Variants in DPYD observed in about 807,000 individuals in gnomAD.
DPYD encodes the protein dihydropyrimidine dehydrogenase.
A neutral mutation model predicts 116.2 loss-of-function variants in DPYD; 109 were observed. That is an observed-to-expected ratio of 0.94 (90% CI 0.80 to 1.10). DPYD has a LOEUF of 1.10. DPYD is among the 50% of genes least tolerant of loss of function. The pLI, the probability that DPYD is intolerant of heterozygous loss-of-function variation, is 0.00. For synonymous variants in DPYD, 440 were observed against 432.0 expected (o/e 1.02, Z -0.23); for missense variants, 1,302 against 1,254.5 (o/e 1.04, Z -0.57).
intron 3 of DPYD, among the ~76,000 whole-genome samples, chr1:97,774,022 T>C (rs536851715): frequency 6.6e-6 from 1 of 152,296 alleles, no homozygotes; most frequent in East Asian, 1.9e-4. Context: ...ACACGTTCAC[T>C]GGAGCTTTGG....
At chr1:97,356,741 T>G (rs1048068183) in intron 16 of DPYD, among the ~76,000 whole-genome samples, 1 of 152,220 alleles carries the variant, frequency 6.6e-6, no homozygotes, top group South Asian at 2.1e-4. Flanking sequence ...TGCACATGGA[T>G]ATACATTTTT....
intron 4 of DPYD, among the ~76,000 whole-genome samples, chr1:97,740,071 A>C (rs1338008366): frequency 1.3e-5 from 2 of 152,146 alleles, no homozygotes; most frequent in Non-Finnish European, 2.9e-5. Context: ...ATGTGTTTTG[A>C]TGATCAATGA....
At chr1:97,688,302 A>G (rs1660840844) in intron 7 of DPYD, among the ~76,000 whole-genome samples, 1 of 152,166 alleles carries the variant, frequency 6.6e-6, no homozygotes. Context: ...AAATTTAGAG[A>G]TGCAAGAGCA....
intron 13 of DPYD, among the ~76,000 whole-genome samples, chr1:97,454,787 C>T (rs1232058344): frequency 1.3e-5 from 2 of 151,778 alleles, no homozygotes; most frequent in African/African-American, 2.4e-5. Context: ...ATGGTTACTA[C>T]TGAATTAAAA....
In DPYD at chr1:97,889,788, G is replaced by C. The variant is rs183819513; in HGVS notation, c.40-6414C>G. Among the ~76,000 whole-genome samples the C allele has an allele frequency of 1.2e-3, 183 of 151,984 alleles. 1 individual carries two copies. The highest frequency in any genetic ancestry group is 2.1e-3 in the Non-Finnish European group (143 of 67,892). Reference sequence around the variant, plus strand: ...CAGACATCCATATAACACTCTAAAAGAGCAAAATACACATTCTTCTCAACT... The same window carrying C: ...CAGACATCCATATAACACTCTAAAACAGCAAAATACACATTCTTCTCAACT... On this transcript the variant is annotated intron_variant, in intron 1 of 22. Coordinates refer to ENST00000370192, the MANE Select transcript of DPYD (RefSeq NM_000110.4).
chr1:97,310,829 C>T (rs539919534), intron 16 of DPYD, among the ~76,000 whole-genome samples: 2 of 151,680 alleles, frequency 1.3e-5, no homozygotes, highest in African/African-American at 2.4e-5. Context: ...TCAAAATAGG[C>T]CCAAATTTGA....
intron 3 of DPYD, among the ~76,000 whole-genome samples, chr1:97,811,000 C>T (rs76770633): frequency 8.7e-4 from 132 of 152,216 alleles, no homozygotes; most frequent in African/African-American, 3.1e-3. Flanking sequence ...TCATCTACCC[C>T]ATGCCCACAA....
chr1:97,823,993 TATA>T (rs1325481609), intron 3 of DPYD, among the ~76,000 whole-genome samples: 2 of 151,696 alleles, frequency 1.3e-5, no homozygotes, highest in East Asian at 1.9e-4. Flanking sequence ...TACTTCATCA[TATA>T]ATAACTTCAT....
intron 8 of DPYD, among the ~76,000 whole-genome samples, chr1:97,624,044 A>G (rs141323841): frequency 2.9e-4 from 44 of 152,180 alleles, no homozygotes; most frequent in Admixed American, 3.9e-4. Flanking sequence ...GATAGGAGAA[A>G]AGCTACATGA....
At position 97,679,097 on chromosome 1, in the gene DPYD, AT is replaced by A; in HGVS notation, c.847del (p.Ile283Ter). The A allele has an allele frequency of 6.6e-7, 1 of 1,518,904 alleles. No homozygotes were observed. Among genetic ancestry groups the A allele is most frequent in the Non-Finnish European group, 9.0e-7 (1 of 1,107,702 alleles). The allele number at this position is 1,518,904 out of a possible 1,614,324, so 94.1% of individuals were successfully genotyped here. A position where few individuals can be genotyped will look rare whatever the true frequency, so the allele number is the denominator to read the frequency against. ...EKGYKAAFIG[I>X]GLPEPNKDAI... ...ATATTTAAGAGTAAACTACTCACCT[AT>A]TCCAATGAAAGCAGCTTTGTAGCCT... On this transcript the variant is annotated frameshift_variant, in exon 8 of 23. Coordinates refer to ENST00000370192, the MANE Select transcript of DPYD (RefSeq NM_000110.4). LOFTEE classifies it high-confidence loss of function.
chr1:97,331,387 A>G (rs918460320), intron 16 of DPYD, among the ~76,000 whole-genome samples: 1 of 152,140 alleles, frequency 6.6e-6, no homozygotes, highest in African/African-American at 2.4e-5. Flanking sequence ...ATGCGGCAGG[A>G]GGCTCGCTTG....
intron 3 of DPYD, among the ~76,000 whole-genome samples, chr1:97,785,634 T>C (rs1666973949): frequency 6.6e-6 from 1 of 151,176 alleles, no homozygotes; most frequent in African/African-American, 2.4e-5. Flanking sequence ...TAGATCTTTA[T>C]GCTGGCCACA....
intron 3 of DPYD, among the ~76,000 whole-genome samples, chr1:97,777,478 GGACC>G (rs1666474344): frequency 6.6e-6 from 1 of 152,116 alleles, no homozygotes. Context: ...GTGCCAGAAG[GGACC>G]TTACAGATGA....
intron 18 of DPYD, among the ~76,000 whole-genome samples, chr1:97,276,499 T>C (rs191546322): frequency 3.9e-5 from 6 of 152,020 alleles, no homozygotes; most frequent in Middle Eastern, 3.4e-3. Context: ...GCAAAAGACA[T>C]GAACAGGCAC....
intron 21 of DPYD, among the ~76,000 whole-genome samples, chr1:97,084,989 G>A (rs570685299): frequency 6.6e-6 from 1 of 152,170 alleles, no homozygotes; most frequent in Non-Finnish European, 1.5e-5. Flanking sequence ...GTGGGATGAA[G>A]TAATAGCTAT....
chr1:97,266,537 A>T (rs918917407), intron 18 of DPYD, among the ~76,000 whole-genome samples: 4 of 151,946 alleles, frequency 2.6e-5, no homozygotes, highest in African/African-American at 7.3e-5. Flanking sequence ...TTCTTTTTTT[A>T]TTATTATTAT....
At position 97,193,072 on chromosome 1, in the gene DPYD, G is replaced by C. The variant is rs775570841; in HGVS notation, c.2619C>G (p.Asp873Glu). 24 of 1,613,732 alleles carry C rather than the reference G, an allele frequency of 1.5e-5. No individual in the cohort carries two copies. Among genetic ancestry groups the C allele is most frequent in the Admixed American group, 3.3e-5 (2 of 59,978 alleles). The stretch of plus-strand genomic sequence containing the variant: ...CACAGGAGATTTAAGCACATACCTT[G>C]TCCATGAGTTCAGCTATACGTGGAA... ...KPVPRIAELM[D>E]KKLPSFGPYL... is the part of the protein sequence containing the mutation. The change falls in exon 20 of 23, where the codon GAC (aspartate) becomes GAG (glutamate). Residue 873 changes from aspartate to glutamate, a missense_variant. Physicochemically the swap from Asp to Glu is conservative, Grantham distance 45. Transcript: ENST00000370192.
intron 1 of DPYD, among the ~76,000 whole-genome samples, chr1:97,911,466 T>G (rs1673931856): frequency 6.6e-6 from 1 of 152,114 alleles, no homozygotes; most frequent in South Asian, 2.1e-4. Flanking sequence ...AAGAGTCATT[T>G]TGGTTGGCAC....
intron 16 of DPYD, 56 bp from the exon 17 acceptor site, chr1:97,306,353 G>A: frequency 4.4e-6 from 7 of 1,607,248 alleles, no homozygotes; most frequent in Non-Finnish European, 6.0e-6. Context: ...TGATCAAAAT[G>A]TGTACTGGAA....
Sources: allele counts gnomAD v4.1 joint callset (sites outside exome capture counted in the v4.1 genomes callset), GRCh38; gene constraint gnomAD v4.1.1; transcripts MANE v1.5; gene names NCBI Gene and HGNC (gene_info 2026-07-23, HGNC 2026-07-21).